LRRN3: variants seen among roughly 807,000 people sequenced by gnomAD.
LRRN3 encodes leucine rich repeat neuronal 3.
LRRN3 carries 15 observed loss-of-function variants against 40.1 expected under a neutral mutation model. The observed-to-expected ratio is 0.37, with a 90% CI of 0.25 to 0.58. LRRN3 has a LOEUF of 0.58. Ranked by LOEUF, LRRN3 falls within the 20% of genes least tolerant of loss-of-function variation. The pLI is 0.72. For synonymous variants in LRRN3, 308 were observed against 297.2 expected (o/e 1.04, Z -0.37); for missense variants, 746 against 837.7 (o/e 0.89, Z 1.35).
intron 2 of LRRN3, among the ~76,000 whole-genome samples, chr7:111,101,439 CCTA>C (rs1797964445): frequency 6.6e-6 from 1 of 151,362 alleles, no homozygotes; most frequent in African/African-American, 2.4e-5. Context: ...GAGAGTAACA[CCTA>C]AGAATCCATA....
rs1279570800 is a variant in LRRN3, at chr7:111,123,592, A to G, written c.820A>G (p.Arg274Gly). The G allele has an allele frequency of 1.9e-6, 3 of 1,613,160 alleles. No individual in the cohort carries two copies. The highest frequency in any genetic ancestry group is 2.2e-5 in the East Asian group (1 of 44,844). Residue 274 changes from arginine to glycine, a missense_variant, in exon 3 of 3, where the codon AGA becomes GGA. Arg to Gly is a moderately radical substitution (Grantham distance 125). Transcript: ENST00000308478. The surrounding 1 kb of genome is among the most constrained non-coding windows in gnomAD (Gnocchi z 6.4). ...GGATCTAAATAAAAATCCTATTAAT[A>G]GAATACGAAGGGGTGATTTTAGCAA... ...FLDLNKNPINRIRRGDFSNML... is the reference protein window; with the variant it reads ...FLDLNKNPINGIRRGDFSNML...
In LRRN3 at chr7:111,117,341, T is replaced by C. The variant is rs906495754; in HGVS notation, c.-358-5074T>C. On this transcript the variant is annotated intron_variant, in intron 2 of 2. Coordinates refer to ENST00000308478, the MANE Select transcript of LRRN3 (RefSeq NM_001099658.2). The stretch of plus-strand genomic sequence containing the variant: ...CTCATGCAACCAAATTTCTAAATTA[T>C]AGAGATCAATAATCTGAGGTACAAG... 3.3e-5 allele frequency among the ~76,000 whole-genome samples: 5 copies of C among 152,216 alleles called. No individual in the cohort carries two copies. In the East Asian group the frequency reaches 5.8e-4, roughly 18 times the overall value.
At chr7:111,118,811 TC>T (rs1171214409) in intron 2 of LRRN3, among the ~76,000 whole-genome samples, 17 of 152,100 alleles carry the variant, frequency 1.1e-4, no homozygotes, top group Non-Finnish European at 2.2e-4. Flanking sequence ...CTATTGTGTT[TC>T]CCATACTATT....
At chr7:111,112,573 A>G (rs927118366) in intron 2 of LRRN3, among the ~76,000 whole-genome samples, 2 of 152,214 alleles carry the variant, frequency 1.3e-5, no homozygotes, top group African/African-American at 4.8e-5. Context: ...CAAAGCTTAC[A>G]GTGGAATGTA....
intron 1 of LRRN3, among the ~76,000 whole-genome samples, chr7:111,092,021 C>G (rs891396531): frequency 1.3e-5 from 2 of 152,196 alleles, no homozygotes; most frequent in Non-Finnish European, 2.9e-5. Context: ...TTTGTCTCAT[C>G]CAGTGGATGC....
At chr7:111,115,919 C>G (rs969289893) in intron 2 of LRRN3, among the ~76,000 whole-genome samples, 1 of 152,116 alleles carries the variant, frequency 6.6e-6, no homozygotes, top group African/African-American at 2.4e-5. Context: ...TTAGGTGATC[C>G]ACCCAACTCA....
chr7:111,097,925 T>C (rs1435347882), intron 1 of LRRN3, among the ~76,000 whole-genome samples: 1 of 151,806 alleles, frequency 6.6e-6, no homozygotes, highest in Non-Finnish European at 1.5e-5. Context: ...GACCTTAAAC[T>C]GCAGGTGCCC....
chr7:111,114,872 A>G (rs1799686537), intron 2 of LRRN3, among the ~76,000 whole-genome samples: 1 of 152,200 alleles, frequency 6.6e-6, no homozygotes, highest in African/African-American at 2.4e-5. Context: ...TGAAGTCACT[A>G]AAGGTCACGA....
In LRRN3 at chr7:111,124,565, T is replaced by C; in HGVS notation, c.1793T>C (p.Ile598Thr). The C allele has an allele frequency of 1.2e-6, 2 of 1,613,720 alleles. No homozygotes were observed. Among genetic ancestry groups the C allele is most frequent in the South Asian group, 1.1e-5 (1 of 91,074 alleles). ...AAAATTTGTATTGATATTCCCACCA[T>C]CTATCAGAAAAACAGAAAAAAATGT... ...EYKICIDIPT[I>T]YQKNRKKCVN... The change falls in exon 3 of 3, where the codon ATC becomes ACC. Residue 598 changes from isoleucine to threonine, a missense_variant. Coordinates refer to ENST00000308478, the MANE Select transcript of LRRN3 (RefSeq NM_001099658.2).
rs1234971540 is a variant in LRRN3, at chr7:111,123,159, T to A, written c.387T>A (p.Thr129=). ...LSVYLEENKL[T]ELPEKCLSEL... ...TGTACCTAGAGGAAAACAAACTTAC[T>A]GAACTGCCTGAAAAATGTCTGTCCG... The change falls in exon 3 of 3, where the codon ACT becomes ACA. Residue 129 remains threonine (T), a synonymous_variant. Transcript: ENST00000308478. The surrounding 1 kb of genome is among the most constrained non-coding windows in gnomAD (Gnocchi z 6.4). The A allele has an allele frequency of 6.2e-7, 1 of 1,614,026 alleles. No individual in the cohort carries two copies. Among genetic ancestry groups the A allele is most frequent in the Admixed American group, 1.7e-5 (1 of 59,968 alleles).
intron 1 of LRRN3, among the ~76,000 whole-genome samples, chr7:111,095,311 G>A (rs543833350): frequency 9.3e-4 from 142 of 151,966 alleles, no homozygotes; most frequent in African/African-American, 3.2e-3. Flanking sequence ...CTATTTATTG[G>A]AGAGGCCTAG....
intron 1 of LRRN3, among the ~76,000 whole-genome samples, chr7:111,098,684 G>A (rs1185484255): frequency 6.6e-6 from 1 of 151,566 alleles, no homozygotes; most frequent in African/African-American, 2.4e-5. Flanking sequence ...TCTTCATAAC[G>A]ACCGTACTAA....
intron 2 of LRRN3, among the ~76,000 whole-genome samples, chr7:111,104,112 T>C (rs1798277308): frequency 6.6e-6 from 1 of 151,734 alleles, no homozygotes; most frequent in Non-Finnish European, 1.5e-5. Flanking sequence ...TGGGCCTATA[T>C]TCAGGCAACT....
rs115095634 is a variant in LRRN3, at chr7:111,109,135, T to C, written c.-359+9173T>C. ...GTAAGGTGGTCCGTAAATAAGGTAT[T>C]ATCAAGAAGAATTAAAGACCAAATT... On this transcript the variant is annotated intron_variant, in intron 2 of 2. Coordinates refer to ENST00000308478, the MANE Select transcript of LRRN3 (RefSeq NM_001099658.2). Among the ~76,000 whole-genome samples the C allele has an allele frequency of 7.3e-3, 1,111 of 152,260 alleles. 15 individuals are homozygous for C. Among genetic ancestry groups the C allele is most frequent in the African/African-American group, 0.025 (1,059 of 41,558 alleles).
chr7:111,094,739 T>C (rs1298130888), intron 1 of LRRN3, among the ~76,000 whole-genome samples: 4 of 152,174 alleles, frequency 2.6e-5, no homozygotes, highest in Admixed American at 6.6e-5. Context: ...GTTAGACATC[T>C]ACGAAGTCAC....
At chr7:111,107,201 C>CCA in intron 2 of LRRN3, among the ~76,000 whole-genome samples, 1 of 151,786 alleles carries the variant, frequency 6.6e-6, no homozygotes, top group Non-Finnish European at 1.5e-5. Flanking sequence ...CTCCCTTCTT[C>CCA]CTTCTCTCTT....
intron 2 of LRRN3, among the ~76,000 whole-genome samples, chr7:111,106,728 C>T (rs1463133291): frequency 6.8e-6 from 1 of 147,738 alleles, no homozygotes; most frequent in Non-Finnish European, 1.5e-5. Context: ...ACTGCCCTTA[C>T]AGATCTTGCA....
chr7:111,117,869 C>G (rs1037453181), intron 2 of LRRN3, among the ~76,000 whole-genome samples: 4 of 152,122 alleles, frequency 2.6e-5, no homozygotes, highest in African/African-American at 9.6e-5. Context: ...TTCTTTTCCT[C>G]ACACTCTGTA....
Position 111,123,726 on chromosome 7 carries a change from C to A in LRRN3, c.954C>A (p.Asn318Lys). 6.2e-7 allele frequency: 1 copy of A among 1,613,864 alleles called. No homozygotes were observed. Among genetic ancestry groups the A allele is most frequent in the Non-Finnish European group, 8.5e-7 (1 of 1,179,906 alleles). The change falls in exon 3 of 3, where the codon AAC becomes AAA. Residue 318 changes from asparagine to lysine, a missense_variant. Asn to Lys is a moderately conservative substitution (Grantham distance 94). Coordinates refer to ENST00000308478, the MANE Select transcript of LRRN3 (RefSeq NM_001099658.2). This position sits in a 1 kb window ranked among gnomAD's most constrained non-coding sequence, Gnocchi z 6.4. ...LPDLRKIEAT[N>K]NPRLSYIHPN... ...ATTTAAGAAAAATAGAAGCTACTAA[C>A]AACCCTAGATTGTCTTACATTCACC...
Sources: gnomAD v4.1 joint callset for allele counts (sites outside exome capture counted in the v4.1 genomes callset) on GRCh38, gnomAD v4.1.1 for gene constraint, Gnocchi (gnomAD v3.1) non-coding constraint, MANE v1.5 for transcripts, NCBI Gene and HGNC (gene_info 2026-07-23, HGNC 2026-07-21) for gene names.